CSMD1: variants seen among roughly 807,000 people sequenced by gnomAD.
The protein encoded by CSMD1 is CUB and sushi domain-containing protein 1.
In CSMD1, 213 loss-of-function variants were observed where a neutral mutation model predicts 417.5. That is an observed-to-expected ratio of 0.51 (90% CI 0.46 to 0.57). The LOEUF (loss-of-function observed/expected upper bound fraction) is 0.57, where lower values mean the gene tolerates loss of function less well. CSMD1 is among the 20% of genes least tolerant of loss of function. CSMD1 has a pLI of 0.00. For missense variants in CSMD1, 6,923 were observed against 4,529.7 expected, an observed-to-expected ratio of 1.53 and a Z score of -15.17; for synonymous variants, 2,862 against 1,736.8, an observed-to-expected ratio of 1.65 and a Z score of -16.11.
chr8:3,367,936 C>T (rs1234081171), intron 19 of CSMD1, among the ~76,000 whole-genome samples: 1 of 152,046 alleles, frequency 6.6e-6, no homozygotes, highest in Non-Finnish European at 1.5e-5. Context: ...AAACAGGTGT[C>T]CTTTAGAAAA....
intron 26 of CSMD1, among the ~76,000 whole-genome samples, chr8:3,237,741 A>G (rs1296687398): frequency 1.4e-5 from 2 of 142,562 alleles, no homozygotes; most frequent in African/African-American, 5.0e-5. Context: ...TATAATTTTT[A>G]TAATTATACT....
At chr8:4,354,900 G>GTC (rs1554442804) in intron 3 of CSMD1, among the ~76,000 whole-genome samples, 1 of 148,492 alleles carries the variant, frequency 6.7e-6, no homozygotes, top group Non-Finnish European at 1.5e-5. Flanking sequence ...GTGTGTGTGT[G>GTC]TGTGTGTGTT....
chr8:3,556,066 T>C (rs1002793543), intron 10 of CSMD1, among the ~76,000 whole-genome samples: 6 of 152,144 alleles, frequency 3.9e-5, no homozygotes, highest in African/African-American at 1.4e-4. Flanking sequence ...TAGATGTTCT[T>C]AAGTATGTAT....
chr8:3,890,739 G>C (rs938552302), intron 5 of CSMD1, among the ~76,000 whole-genome samples: 21 of 152,320 alleles, frequency 1.4e-4, no homozygotes, highest in Admixed American at 1.3e-3. Flanking sequence ...ATGCAAGTTA[G>C]CATGTGGCTC....
chr8:4,841,979 T>G (rs1032247243), intron 1 of CSMD1, among the ~76,000 whole-genome samples: 1 of 137,224 alleles, frequency 7.3e-6, no homozygotes, highest in Non-Finnish European at 1.6e-5. Flanking sequence ...TGCATTTTTG[T>G]CCTGCCTCTA....
chr8:3,659,232 G>A (rs771081410), intron 7 of CSMD1, among the ~76,000 whole-genome samples: 5 of 152,170 alleles, frequency 3.3e-5, no homozygotes, highest in African/African-American at 7.2e-5. Flanking sequence ...GTGAAATTGT[G>A]TATATTTATT....
chr8:3,761,500 A>ATTTTTT (rs57655479), intron 5 of CSMD1, among the ~76,000 whole-genome samples: 47 of 93,372 alleles, frequency 5.0e-4, no homozygotes, highest in Non-Finnish European at 6.5e-4. Flanking sequence ...CAAAACGACC[A>ATTTTTT]TTTTTTTTTT....
rs1239784452 is a variant in CSMD1, at chr8:3,301,276, G to C, written c.3950+6419C>G. ...AGGGTGGTCAGTGGAAACCTGGTGA[G>C]TTAGGAGGGTCTACCCAGCGAAGGA... is the stretch of plus-strand genomic sequence containing the variant. On this transcript the variant is annotated intron_variant, in intron 25 of 69. Coordinates refer to ENST00000635120, the MANE Select transcript of CSMD1 (RefSeq NM_033225.6). Among the ~76,000 whole-genome samples the C allele has an allele frequency of 3.3e-5, 5 of 152,152 alleles. No individual in the cohort carries two copies. In the East Asian group the frequency reaches 5.8e-4, roughly 18 times the overall value.
Position 3,186,474 on chromosome 8 carries a change from A to T in CSMD1, c.5620+1395T>A, listed in dbSNP as rs149997787. On this transcript the variant is annotated intron_variant, in intron 36 of 69. Transcript: ENST00000635120. Reference sequence around the variant, plus strand: ...GATGATAGATTGGCACTTTATTCCCAACACCTTAAATGGCCATGCCCAAAT... The same window carrying T: ...GATGATAGATTGGCACTTTATTCCCTACACCTTAAATGGCCATGCCCAAAT... Among the ~76,000 whole-genome samples the T allele has an allele frequency of 4.1e-3, 621 of 152,336 alleles. 3 individuals are homozygous for T. The highest frequency in any genetic ancestry group is 0.014 in the African/African-American group (566 of 41,578).
rs369172703 is a variant in CSMD1, at chr8:3,778,935, T to C, written c.819-24893A>G. 3.3e-5 allele frequency among the ~76,000 whole-genome samples: 5 copies of C among 152,154 alleles called. No homozygotes were observed. In the East Asian group the frequency reaches 9.6e-4, roughly 29 times the overall value. On this transcript the variant is annotated intron_variant, in intron 5 of 69. Coordinates refer to ENST00000635120, the MANE Select transcript of CSMD1 (RefSeq NM_033225.6). ...ATCAACAACAATCTCTCAAAAATGC[T>C]GTTTCTGGGAGGACAATCAGCCTTG... is the stretch of plus-strand genomic sequence containing the variant.
intron 3 of CSMD1, among the ~76,000 whole-genome samples, chr8:4,275,289 T>C (rs1053384523): frequency 3.9e-5 from 6 of 152,172 alleles, no homozygotes; most frequent in Non-Finnish European, 7.4e-5. Flanking sequence ...TATGTTTTAT[T>C]AAGAACAGAA....
rs1349911850 is a variant in CSMD1 at position 3,556,414 on chromosome 8, T to TATAC, written c.1344+18530_1344+18531insGTAT. On this transcript the variant is annotated intron_variant, in intron 10 of 69. Transcript: ENST00000635120. ...ATTAATATATATATATATATATATA[T>TATAC]TCACACACACAAAGAATTTATGAGG... 1.1e-4 allele frequency among the ~76,000 whole-genome samples: 16 copies of TATAC among 142,042 alleles called. 2 individuals are homozygous for TATAC. The highest frequency in any genetic ancestry group is 4.3e-4 in the African/African-American group (16 of 37,578). The allele number at this position is 142,042 out of a possible 152,430, so 93.2% of individuals were successfully genotyped here. A position where few individuals can be genotyped will look rare whatever the true frequency, so the allele number is the denominator to read the frequency against.
chr8:4,752,412 G>C (rs993122407), intron 1 of CSMD1, among the ~76,000 whole-genome samples: 1 of 152,262 alleles, frequency 6.6e-6, no homozygotes, highest in South Asian at 2.1e-4. Context: ...CATAGGTATG[G>C]ACTGAACTTG....
chr8:3,202,368 C>G (rs1203860041), intron 31 of CSMD1, among the ~76,000 whole-genome samples: 2 of 152,292 alleles, frequency 1.3e-5, no homozygotes. Context: ...ACACGTGATT[C>G]TCTGGCATAT....
intron 3 of CSMD1, among the ~76,000 whole-genome samples, chr8:4,090,068 T>A (rs193072510): frequency 9.3e-4 from 141 of 152,348 alleles, no homozygotes; most frequent in East Asian, 7.7e-3. Flanking sequence ...AATTTTCGAA[T>A]GAGCAAAACT....
At chr8:4,980,152 A>G (rs915253812) in intron 1 of CSMD1, among the ~76,000 whole-genome samples, 1 of 152,264 alleles carries the variant, frequency 6.6e-6, no homozygotes, top group Admixed American at 6.5e-5. Flanking sequence ...ACCCTGTAAC[A>G]CGCACACACA....
intron 2 of CSMD1, among the ~76,000 whole-genome samples, chr8:4,527,096 C>T (rs1025548346): frequency 1.3e-4 from 20 of 152,034 alleles, no homozygotes; most frequent in African/African-American, 4.8e-4. Flanking sequence ...TCAGAAGCTT[C>T]GGAGGATTCT....
intron 10 of CSMD1, among the ~76,000 whole-genome samples, chr8:3,539,080 T>C (rs1222322460): frequency 6.6e-6 from 1 of 152,200 alleles, no homozygotes; most frequent in East Asian, 1.9e-4. Flanking sequence ...CCACGTCTCT[T>C]ACAGTCTTGC....
chr8:3,584,918 T>C (rs1176402944), intron 9 of CSMD1, among the ~76,000 whole-genome samples: 3 of 152,170 alleles, frequency 2.0e-5, no homozygotes, highest in Admixed American at 6.5e-5. Context: ...TTAAGGGTCT[T>C]ATGTTAGAAT....
Sources: allele counts gnomAD v4.1 joint callset (sites outside exome capture counted in the v4.1 genomes callset), GRCh38; gene constraint gnomAD v4.1.1; transcripts MANE v1.5; gene names NCBI Gene and HGNC (gene_info 2026-07-23, HGNC 2026-07-21).